KCNJ3: variants seen among roughly 807,000 people sequenced by gnomAD.
KCNJ3 encodes potassium inwardly rectifying channel subfamily J member 3.
A neutral mutation model predicts 39.2 loss-of-function variants in KCNJ3; 4 were observed. The observed-to-expected ratio is 0.10, with a 90% confidence interval of 0.05 to 0.23. The LOEUF (loss-of-function observed/expected upper bound fraction) is 0.23, where lower values mean the gene tolerates loss of function less well. KCNJ3 is among the 10% of genes least tolerant of loss of function. The pLI is 1.00. For missense variants in KCNJ3, 276 were observed against 634.9 expected, an observed-to-expected ratio of 0.43 and a Z score of 6.08; for synonymous variants, 230 against 237.4, an observed-to-expected ratio of 0.97 and a Z score of 0.29.
intron 2 of KCNJ3, among the ~76,000 whole-genome samples, chr2:154,769,412 T>C (rs1461445834): frequency 6.6e-6 from 1 of 152,160 alleles, no homozygotes; most frequent in Non-Finnish European, 1.5e-5. Flanking sequence ...GTTGAATTTT[T>C]TTGAAGGCCT....
rs1687832707 is a variant in KCNJ3 at position 154,856,038 on chromosome 2, C to CA, written c.*730dup. ...CAAGTTTGTGCTATCTATGGCCCTG[C>CA]AAAAATATAACCATTACATGTTTAA... On this transcript the variant is annotated 3_prime_UTR_variant, in exon 3 of 3. Transcript: ENST00000295101. The CA allele has an allele frequency of 6.6e-6, 1 of 152,368 alleles. No homozygotes were observed. Among genetic ancestry groups the CA allele is most frequent in the African/African-American group, 2.4e-5 (1 of 41,374 alleles). 9.4% of individuals were successfully genotyped at this position (152,368 alleles called of 1,614,324 possible).
intron 2 of KCNJ3, among the ~76,000 whole-genome samples, chr2:154,755,109 A>G (rs548028378): frequency 1.3e-3 from 194 of 152,146 alleles, no homozygotes; most frequent in Non-Finnish European, 2.4e-3. Flanking sequence ...TGTAATTGGA[A>G]ATGTGTATTT....
intron 2 of KCNJ3, among the ~76,000 whole-genome samples, chr2:154,809,335 A>T (rs1686969032): frequency 6.6e-6 from 1 of 152,168 alleles, no homozygotes; most frequent in Non-Finnish European, 1.5e-5. Flanking sequence ...ATGCTGAGAG[A>T]TTAGAATTTT....
At chr2:154,750,151 G>T (rs1458575719) in intron 2 of KCNJ3, among the ~76,000 whole-genome samples, 1 of 151,904 alleles carries the variant, frequency 6.6e-6, no homozygotes, top group Non-Finnish European at 1.5e-5. Context: ...CAATATTAAA[G>T]AATAGATTAT....
rs960164463 is a variant in KCNJ3, at chr2:154,724,308, G to A, written c.919+14489G>A. 3.3e-5 allele frequency among the ~76,000 whole-genome samples: 5 copies of A among 151,996 alleles called. No individual in the cohort carries two copies. The South Asian group carries it at 1.0e-3, about 32-fold the overall frequency. ...CTGATGCACACACTTAAGGTTAATCGAGGACCATTAAAATATAATCATTAT... is the reference window on the plus strand; with the variant it reads ...CTGATGCACACACTTAAGGTTAATCAAGGACCATTAAAATATAATCATTAT... On this transcript the variant is annotated intron_variant, in intron 2 of 2. Coordinates refer to ENST00000295101, the MANE Select transcript of KCNJ3 (RefSeq NM_002239.4).
At chr2:154,798,394 G>A (rs1686757019) in intron 2 of KCNJ3, among the ~76,000 whole-genome samples, 1 of 152,092 alleles carries the variant, frequency 6.6e-6, no homozygotes, top group South Asian at 2.1e-4. Context: ...TCAACAGGTT[G>A]CTTTTTTTTC....
intron 2 of KCNJ3, among the ~76,000 whole-genome samples, chr2:154,761,489 A>T (rs1310500990): frequency 6.6e-6 from 1 of 152,216 alleles, no homozygotes; most frequent in Non-Finnish European, 1.5e-5. Flanking sequence ...AAAAAGGCTT[A>T]CTGTGATGCT....
In KCNJ3 at chr2:154,824,661, T is replaced by G. The variant is rs116514436; in HGVS notation, c.920-30066T>G. On this transcript the variant is annotated intron_variant, in intron 2 of 2. Transcript: ENST00000295101. ...GGTATTTCTTGTATTGAGAAACATA[T>G]AAATGTATTTTATAAACAGGAAAAC... is the stretch of plus-strand genomic sequence containing the variant. 3.8e-3 allele frequency among the ~76,000 whole-genome samples: 581 copies of G among 152,302 alleles called. 5 individuals carry two copies. The highest frequency in any genetic ancestry group is 0.013 in the African/African-American group (546 of 41,566).
At chr2:154,837,134 G>A (rs1393457321) in intron 2 of KCNJ3, among the ~76,000 whole-genome samples, 4 of 152,016 alleles carry the variant, frequency 2.6e-5, no homozygotes, top group East Asian at 1.9e-4. Context: ...ATTGCATGAC[G>A]ATAAAGCCAA....
intron 2 of KCNJ3, among the ~76,000 whole-genome samples, chr2:154,816,548 G>A (rs1290785824): frequency 6.6e-6 from 1 of 152,146 alleles, no homozygotes; most frequent in Non-Finnish European, 1.5e-5. Flanking sequence ...TTGTGAACTG[G>A]TGAAAACAGA....
rs1399310357 is a variant in KCNJ3, at chr2:154,857,796, G to T, written c.*2483G>T. 6.9e-6 allele frequency: 1 copy of T among 145,442 alleles called. No individual in the cohort carries two copies. The highest frequency in any genetic ancestry group is 2.6e-5 in the African/African-American group (1 of 39,184). 9.0% of individuals were successfully genotyped at this position (145,442 alleles called of 1,614,324 possible). On this transcript the variant is annotated 3_prime_UTR_variant, in exon 3 of 3. Transcript: ENST00000295101. ...CTGGGGAAGCTGAGGCAGGAGAATC[G>T]TTTGAACCTGGGAGGCGGAGGTTGC...
At chr2:154,738,070 T>G (rs2105172781) in intron 2 of KCNJ3, among the ~76,000 whole-genome samples, 1 of 152,268 alleles carries the variant, frequency 6.6e-6, no homozygotes, top group South Asian at 2.1e-4. Context: ...CTTCCAAATC[T>G]TAGCCATTAT....
At position 154,855,122 on chromosome 2, in the gene KCNJ3, C is replaced by T. The variant is rs951927978; in HGVS notation, c.1315C>T (p.Arg439Ter). 6.2e-7 allele frequency: 1 copy of T among 1,613,938 alleles called. No individual in the cohort carries two copies. Among genetic ancestry groups the T allele is most frequent in the Non-Finnish European group, 8.5e-7 (1 of 1,179,944 alleles). ...GGGAGACTTGCCCATGAAACTTCAA[C>T]GAATAAGTTCAGTTCCGGGCAACTC... ...SLGDLPMKLQRISSVPGNSEE... is the reference protein window; with the variant it reads ...SLGDLPMKLQ The change falls in exon 3 of 3, where the codon CGA (arginine) becomes TGA (stop). Residue 439 changes from arginine to a stop codon, truncating the protein, a stop_gained. Transcript: ENST00000295101. LOFTEE classifies it high-confidence loss of function.
chr2:154,819,357 C>T (rs1250645429), intron 2 of KCNJ3, among the ~76,000 whole-genome samples: 1 of 152,050 alleles, frequency 6.6e-6, no homozygotes, highest in Non-Finnish European at 1.5e-5. Context: ...ATATACCCAT[C>T]CTCAGATTCA....
chr2:154,853,333 T>C (rs1687787327), intron 2 of KCNJ3, among the ~76,000 whole-genome samples: 1 of 152,110 alleles, frequency 6.6e-6, no homozygotes, highest in Non-Finnish European at 1.5e-5. Context: ...AGGATTCAAA[T>C]GTGGCTTCTT....
chr2:154,778,903 T>C (rs190646184), intron 2 of KCNJ3, among the ~76,000 whole-genome samples: 285 of 152,144 alleles, frequency 1.9e-3, no homozygotes, highest in Middle Eastern at 6.8e-3. Flanking sequence ...GCTAAAACTT[T>C]TTACGTTAGC....
At chr2:154,814,088 A>G (rs1271545366) in intron 2 of KCNJ3, among the ~76,000 whole-genome samples, 2 of 152,128 alleles carry the variant, frequency 1.3e-5, no homozygotes, top group African/African-American at 2.4e-5. Context: ...CTACCTTGTC[A>G]TTACTTCCTC....
At chr2:154,732,793 A>G (rs1331349894) in intron 2 of KCNJ3, among the ~76,000 whole-genome samples, 1 of 152,164 alleles carries the variant, frequency 6.6e-6, no homozygotes, top group Non-Finnish European at 1.5e-5. Flanking sequence ...GCTGTAAACA[A>G]TCTGGCAAGA....
chr2:154,776,547 T>G (rs900707006), intron 2 of KCNJ3, among the ~76,000 whole-genome samples: 2 of 152,214 alleles, frequency 1.3e-5, no homozygotes, highest in African/African-American at 4.8e-5. Flanking sequence ...CATTATTTAG[T>G]AAAACAGGTT....
Sources: gnomAD v4.1 joint callset for allele counts (sites outside exome capture counted in the v4.1 genomes callset) on GRCh38, gnomAD v4.1.1 for gene constraint, MANE v1.5 for transcripts, NCBI Gene and HGNC (gene_info 2026-07-23, HGNC 2026-07-21) for gene names.